ST7L: variants seen among roughly 807,000 people sequenced by gnomAD.
ST7L encodes the protein suppression of tumorigenicity 7 like.
ST7L carries 57 observed loss-of-function variants against 72.5 expected under a neutral mutation model. The observed-to-expected ratio is 0.79, with a 90% CI of 0.64 to 0.98. ST7L has a LOEUF of 0.98. ST7L is among the 50% of genes least tolerant of loss of function. The probability of loss-of-function intolerance (pLI) is 0.00; values close to 1 mark genes in which losing one functional copy is unlikely to be tolerated. For synonymous variants in ST7L, 221 were observed against 240.9 expected (o/e 0.92, Z 0.77); for missense variants, 576 against 672.2 (o/e 0.86, Z 1.58).
chr1:112,610,565 G>A, intron 3 of ST7L: 1 of 337,854 alleles, frequency 3.0e-6, no homozygotes. Flanking sequence ...CTGGTTCACA[G>A]ACGGCGCCTT....
intron 1 of ST7L, among the ~76,000 whole-genome samples, chr1:112,618,543 AAAG>A (rs1296520644): frequency 6.6e-6 from 1 of 152,192 alleles, no homozygotes; most frequent in African/African-American, 2.4e-5. Flanking sequence ...CGGGAGACTC[AAAG>A]TAGTGACTTT....
Position 112,534,085 on chromosome 1 carries a change from A to C in ST7L, c.1629+7866T>G, listed in dbSNP as rs116201390. Reference sequence around the variant, plus strand: ...ACTGATACTTGTCTTTGCAGTAAACATTTCTCCAACCTAAGCACCCTTTTT... The same window carrying C: ...ACTGATACTTGTCTTTGCAGTAAACCTTTCTCCAACCTAAGCACCCTTTTT... On this transcript the variant is annotated intron_variant, in intron 14 of 14. Coordinates refer to ENST00000358039, the MANE Select transcript of ST7L (RefSeq NM_017744.5). Among the ~76,000 whole-genome samples, 1,459 of 152,256 alleles carry C rather than the reference A, an allele frequency of 9.6e-3. 9 individuals are homozygous for C. The highest frequency in any genetic ancestry group is 0.013 in the Non-Finnish European group (860 of 68,024).
At chr1:112,542,226 G>A in intron 13 of ST7L, 136 bp from the exon 14 acceptor site, 1 of 818,804 alleles carries the variant, frequency 1.2e-6, no homozygotes, top group Non-Finnish European at 1.8e-6. Flanking sequence ...GGCTAAGCAA[G>A]GTAGAAGACA....
chr1:112,608,216 G>C (rs996669529), intron 3 of ST7L, among the ~76,000 whole-genome samples: 3 of 151,932 alleles, frequency 2.0e-5, no homozygotes, highest in Non-Finnish European at 2.9e-5. Flanking sequence ...TGGGGGTCTT[G>C]CTATGTTGCC....
chr1:112,553,800 T>C (rs1658647931), intron 12 of ST7L, among the ~76,000 whole-genome samples: 1 of 152,232 alleles, frequency 6.6e-6, no homozygotes, highest in African/African-American at 2.4e-5. Context: ...GAATGGAGAA[T>C]GATCTAATGT....
At chr1:112,548,582 T>G (rs1489376827) in intron 13 of ST7L, among the ~76,000 whole-genome samples, 1 of 152,274 alleles carries the variant, frequency 6.6e-6, no homozygotes, top group African/African-American at 2.4e-5. Flanking sequence ...CTAGTTAAGT[T>G]TGATAGTTGT....
chr1:112,603,659 C>T lies in ST7L; in HGVS notation c.452-2811G>A, dbSNP rs548156470. ...ACAATGTGTGTATAGCTCAGGCTGC[C>T]GTAACAAAATACCATTGACTGTGTG... On this transcript the variant is annotated intron_variant, in intron 3 of 14. Coordinates refer to ENST00000358039, the MANE Select transcript of ST7L (RefSeq NM_017744.5). 7.2e-5 allele frequency among the ~76,000 whole-genome samples: 11 copies of T among 152,224 alleles called. No individual in the cohort carries two copies. The South Asian group carries it at 1.4e-3, about 20-fold the overall frequency.
At chr1:112,574,964 C>T (rs1031598724) in intron 11 of ST7L, among the ~76,000 whole-genome samples, 3 of 152,044 alleles carry the variant, frequency 2.0e-5, no homozygotes, top group East Asian at 1.9e-4. Flanking sequence ...CAAGGCTGGG[C>T]GCGGTGGCTT....
intron 3 of ST7L, among the ~76,000 whole-genome samples, chr1:112,601,611 G>A (rs1366435264): frequency 6.6e-6 from 1 of 152,136 alleles, no homozygotes; most frequent in Non-Finnish European, 1.5e-5. Context: ...ATCAGGGAAG[G>A]CTTTAGAAAG....
intron 3 of ST7L, 30 bp downstream of exon 3, chr1:112,610,811 G>C (rs1415745508): frequency 1.9e-6 from 3 of 1,609,948 alleles, no homozygotes; most frequent in Non-Finnish European, 2.5e-6. Context: ...TAAATACACA[G>C]CTCTGAAAAC....
At chr1:112,561,887 T>C (rs1472167402) in intron 11 of ST7L, among the ~76,000 whole-genome samples, 2 of 150,104 alleles carry the variant, frequency 1.3e-5, no homozygotes, top group African/African-American at 4.9e-5. Flanking sequence ...GGTAAAAAAA[T>C]GGTATTATTA....
At chr1:112,566,870 T>C (rs1381007640) in intron 11 of ST7L, among the ~76,000 whole-genome samples, 2 of 152,196 alleles carry the variant, frequency 1.3e-5, no homozygotes, top group East Asian at 3.8e-4. Context: ...TTGAAGGACA[T>C]TGGGATTGTT....
chr1:112,519,379 T>C (rs1652733108), downstream of ST7L, among the ~76,000 whole-genome samples: 1 of 152,234 alleles, frequency 6.6e-6, no homozygotes. Flanking sequence ...AGAAATCAGT[T>C]AATCTATTCT....
chr1:112,539,564 G>A, intron 14 of ST7L: 1 of 420,994 alleles, frequency 2.4e-6, no homozygotes, highest in Non-Finnish European at 3.2e-6. Flanking sequence ...GCTGAGGCAG[G>A]AAAACTGCTT....
In ST7L at chr1:112,582,499, C is replaced by T. The variant is rs112086016; in HGVS notation, c.857-27G>A. Reference sequence around the variant, plus strand: ...TATTTAGAAAAACAAAAAAATGATACAACTATCACTTTTGTATTGTGGGCT... The same window carrying T: ...TATTTAGAAAAACAAAAAAATGATATAACTATCACTTTTGTATTGTGGGCT... On this transcript the variant is annotated intron_variant, in intron 7 of 14. Transcript: ENST00000358039. 5,609 of 1,359,526 alleles carry T rather than the reference C, an allele frequency of 4.1e-3. 170 individuals carry two copies. In the African/African-American group the frequency reaches 0.068, roughly 17 times the overall value. 84.2% of individuals were successfully genotyped at this position (1,359,526 alleles called of 1,614,324 possible).
At chr1:112,528,777 A>C (rs1433425149) in intron 14 of ST7L, 2 of 152,196 alleles carry the variant, frequency 1.3e-5, no homozygotes, top group Non-Finnish European at 2.9e-5. Flanking sequence ...TACTTGGTAT[A>C]TTGAATTTTT....
intron 6 of ST7L, among the ~76,000 whole-genome samples, chr1:112,590,417 C>T (rs1665515767): frequency 1.3e-5 from 2 of 152,118 alleles, no homozygotes; most frequent in Non-Finnish European, 2.9e-5. Context: ...TCATTAGTTT[C>T]CAGAGTTTTA....
At chr1:112,573,894 C>T (rs974534579) in intron 11 of ST7L, among the ~76,000 whole-genome samples, 20 of 141,386 alleles carry the variant, frequency 1.4e-4, no homozygotes, top group East Asian at 1.1e-3. Flanking sequence ...ACCCTGTCTT[C>T]GTTTTTTCTT....
At chr1:112,619,431 C>A, upstream of ST7L, 1 of 545,862 alleles carries the variant, frequency 1.8e-6, no homozygotes, top group Non-Finnish European at 3.2e-6. Context: ...GTTGGAAAAG[C>A]CACCGATCGT....
Sources: allele counts gnomAD v4.1 joint callset (sites outside exome capture counted in the v4.1 genomes callset), GRCh38; gene constraint gnomAD v4.1.1; transcripts MANE v1.5; gene names NCBI Gene and HGNC (gene_info 2026-07-23, HGNC 2026-07-21).